Variants in RHPN2 observed in about 807,000 individuals in gnomAD.
The protein encoded by RHPN2 is rhophilin Rho GTPase binding protein 2.
In RHPN2, 40 loss-of-function variants were observed where a neutral mutation model predicts 79.0. The observed-to-expected ratio is 0.51, with a 90% CI of 0.39 to 0.66. The LOEUF (loss-of-function observed/expected upper bound fraction) is 0.66, where lower values mean the gene tolerates loss of function less well. Among genes scored for constraint, RHPN2 ranks in the 30% least tolerant of loss-of-function variants. The pLI, the probability that RHPN2 is intolerant of heterozygous loss-of-function variation, is 0.00. For synonymous variants in RHPN2, 285 were observed against 363.5 expected (o/e 0.78, Z 2.46); for missense variants, 686 against 883.5 (o/e 0.78, Z 2.83).
intron 1 of RHPN2, among the ~76,000 whole-genome samples, chr19:33,049,344 C>T (rs763267570): frequency 2.9e-4 from 44 of 152,280 alleles, no homozygotes; most frequent in Admixed American, 4.6e-4. Context: ...CTCACCCCAC[C>T]CCCTATCTTG....
intron 4 of RHPN2, among the ~76,000 whole-genome samples, chr19:33,019,408 C>T (rs148451201): frequency 0.023 from 3,437 of 151,870 alleles, 138 homozygotes; most frequent in African/African-American, 0.08. Context: ...GGAGAAACCC[C>T]GTCTCTGCTA....
intron 1 of RHPN2, among the ~76,000 whole-genome samples, chr19:33,052,020 C>A (rs1040833453): frequency 1.5e-4 from 23 of 149,230 alleles, no homozygotes; most frequent in African/African-American, 5.7e-4. Context: ...GAATTAAAGT[C>A]AGAAAGAGAG....
At chr19:33,034,827 A>G (rs888913159) in intron 2 of RHPN2, among the ~76,000 whole-genome samples, 21 of 150,346 alleles carry the variant, frequency 1.4e-4, no homozygotes, top group African/African-American at 5.1e-4. Context: ...AGCCAGGTGA[A>G]GTGGGTCATT....
chr19:33,061,728 C>T (rs1972282120), intron 1 of RHPN2, among the ~76,000 whole-genome samples: 1 of 152,206 alleles, frequency 6.6e-6, no homozygotes, highest in Admixed American at 6.6e-5. Flanking sequence ...AAGTGATCCA[C>T]CTGCCTCAGC....
At position 33,022,389 on chromosome 19, in the gene RHPN2, C is replaced by G. The variant is rs571004630; in HGVS notation, c.315-743G>C. ...TCCTCACCCCCACCTCCTCTGCCCC[C>G]CTCAGCGGGCCCCACAGCTGTGGAA... On this transcript the variant is annotated intron_variant, in intron 3 of 14. Transcript: ENST00000254260. Among the ~76,000 whole-genome samples, 13 of 152,254 alleles carry G rather than the reference C, an allele frequency of 8.5e-5. No homozygotes were observed. In the South Asian group the frequency reaches 2.3e-3, roughly 27 times the overall value.
chr19:33,005,321 G>C lies in RHPN2; in HGVS notation c.761-2321C>G, dbSNP rs182639987. On this transcript the variant is annotated intron_variant, in intron 7 of 14. Transcript: ENST00000254260. ...CCAGCTACTCCGGAGGCTGAGGCAG[G>C]AGAATCACTTGAACCCGGGAAGCAG... 1.9e-3 allele frequency among the ~76,000 whole-genome samples: 275 copies of C among 147,698 alleles called. 1 individual carries two copies. Among genetic ancestry groups the C allele is most frequent in the African/African-American group, 6.5e-3 (258 of 39,776 alleles).
intron 4 of RHPN2, among the ~76,000 whole-genome samples, chr19:33,014,041 AT>A (rs778429321): frequency 3.3e-5 from 5 of 151,540 alleles, no homozygotes; most frequent in Admixed American, 6.6e-5. Flanking sequence ...AGCTAATTTC[AT>A]TTTTGTGTTT....
rs1971557616 is a variant in RHPN2 at position 32,979,674 on chromosome 19, T to C, written c.*322A>G. On this transcript the variant is annotated 3_prime_UTR_variant, in exon 15 of 15. Transcript: ENST00000254260. ...ATTGTACTGATATAGGTAACCCCAA[T>C]TTAATAGTGACTAAAAGTCATAATT... The C allele has an allele frequency of 3.1e-6, 1 of 326,296 alleles. No homozygotes were observed. Among genetic ancestry groups the C allele is most frequent in the Non-Finnish European group, 5.8e-6 (1 of 172,956 alleles). 20.2% of individuals were successfully genotyped at this position (326,296 alleles called of 1,614,324 possible). A position where few individuals can be genotyped will look rare whatever the true frequency, so the allele number is the denominator to read the frequency against.
In RHPN2 at chr19:33,002,388, G is replaced by C. The variant is rs754566343; in HGVS notation, c.964C>G (p.Gln322Glu). The change falls in exon 9 of 15, where the codon CAA (glutamine) becomes GAA (glutamate). Residue 322 changes from glutamine to glutamate, a missense_variant. By Grantham distance (29) the Gln-to-Glu change is conservative. Coordinates refer to ENST00000254260, the MANE Select transcript of RHPN2 (RefSeq NM_033103.5). Reference protein sequence around the residue: ...QEAAKVGEVYQQLHAAMSQAP... With the variant: ...QEAAKVGEVYEQLHAAMSQAP... ...TGGCTCATGGCTGCGTGTAGCTGTT[G>C]GTAGACCTCTCCCACCTGAAATAGA... 19 of 1,613,780 alleles carry C rather than the reference G, an allele frequency of 1.2e-5. No homozygotes were observed. The Admixed American group carries it at 3.0e-4, about 25-fold the overall frequency.
rs1272092028 is a variant in RHPN2 at position 32,996,079 on chromosome 19, TG to T, written c.1366del (p.Gln456SerfsTer9). 3 of 1,613,892 alleles carry T rather than the reference TG, an allele frequency of 1.9e-6. No homozygotes were observed. The Admixed American group carries it at 5.0e-5, about 27-fold the overall frequency. ...AQERSRLTYA[Q>X]HQEEDDLLNL... is the part of the protein sequence containing the mutation. ...CAGCAGGTCATCCTCCTCCTGGTGC[TG>T]GGCGTACGTGAGCCGGGAGCGTTCC... On this transcript the variant is annotated frameshift_variant, in exon 11 of 15. Transcript: ENST00000254260. LOFTEE classifies it high-confidence loss of function.
At chr19:33,047,102 C>G (rs1972148633) in intron 1 of RHPN2, among the ~76,000 whole-genome samples, 1 of 152,296 alleles carries the variant, frequency 6.6e-6, no homozygotes, top group East Asian at 1.9e-4. Context: ...CTCAAGTGAT[C>G]TGCCCATCTT....
intron 2 of RHPN2, among the ~76,000 whole-genome samples, chr19:33,035,538 G>A (rs1374954900): frequency 6.6e-6 from 1 of 152,124 alleles, no homozygotes; most frequent in Non-Finnish European, 1.5e-5. Context: ...CTGACCTTTG[G>A]TGCAACCATG....
At chr19:33,057,119 CAA>C (rs35713211) in intron 1 of RHPN2, among the ~76,000 whole-genome samples, 64 of 95,900 alleles carry the variant, frequency 6.7e-4, no homozygotes, top group Admixed American at 2.3e-3. Context: ...GACTCTGTCT[CAA>C]AAAAAAAAAA....
chr19:32,988,284 C>A (rs1971627905), intron 14 of RHPN2, among the ~76,000 whole-genome samples: 2 of 151,998 alleles, frequency 1.3e-5, no homozygotes. Flanking sequence ...ATAACCACTA[C>A]CCATGAGATT....
intron 1 of RHPN2, among the ~76,000 whole-genome samples, chr19:33,053,215 C>T (rs1972203825): frequency 6.6e-6 from 1 of 151,954 alleles, no homozygotes. Flanking sequence ...TCTCAAACTC[C>T]TGGCCTCAAG....
intron 5 of RHPN2, 72 bp downstream of exon 5, chr19:33,012,575 G>GT: frequency 1.1e-6 from 1 of 917,768 alleles, no homozygotes. Flanking sequence ...AAGACCACAA[G>GT]CGTGCAATAA....
At chr19:32,998,461 A>T (rs2146006830) in intron 10 of RHPN2, among the ~76,000 whole-genome samples, 1 of 152,030 alleles carries the variant, frequency 6.6e-6, no homozygotes, top group African/African-American at 2.4e-5. Flanking sequence ...TGGGCAACAT[A>T]GTGAGACCGC....
At chr19:32,983,066 AC>A (rs1971587330) in intron 14 of RHPN2, among the ~76,000 whole-genome samples, 1 of 144,060 alleles carries the variant, frequency 6.9e-6, no homozygotes, top group Non-Finnish European at 1.5e-5. Flanking sequence ...ACACACACAC[AC>A]ACACACACAC....
chr19:33,061,718 A>C (rs1310999445), intron 1 of RHPN2, among the ~76,000 whole-genome samples: 3 of 152,050 alleles, frequency 2.0e-5, no homozygotes, highest in African/African-American at 7.2e-5. Context: ...TCCTGATCTC[A>C]AGTGATCCAC....
Sources: gnomAD v4.1 joint callset for allele counts (sites outside exome capture counted in the v4.1 genomes callset) on GRCh38, gnomAD v4.1.1 for gene constraint, MANE v1.5 for transcripts, NCBI Gene and HGNC (gene_info 2026-07-23, HGNC 2026-07-21) for gene names.